Variants in SEC22B observed in about 807,000 individuals in gnomAD.
SEC22B encodes the protein SEC22 homolog B, vesicle trafficking protein.
A neutral mutation model predicts 31.4 loss-of-function variants in SEC22B; 10 were observed. The observed-to-expected ratio is 0.32, with a 90% CI of 0.20 to 0.54. The LOEUF (loss-of-function observed/expected upper bound fraction) is 0.54. Among genes scored for constraint, SEC22B ranks in the 20% least tolerant of loss-of-function variants. The probability of loss-of-function intolerance (pLI) is 0.94; values close to 1 mark genes in which losing one functional copy is unlikely to be tolerated. For synonymous variants in SEC22B, 60 were observed against 95.9 expected (o/e 0.63, Z 2.19); for missense variants, 130 against 263.4 (o/e 0.49, Z 3.50).
rs1257508701 is a variant in SEC22B, at chr1:120,176,400, T to A, written c.-19A>T. On this transcript the variant is annotated 5_prime_UTR_variant, in exon 1 of 5. Transcript: ENST00000578049. Reference sequence around the variant, plus strand: ...ACACCATCTTCACAAACTACAGGGATCCAACACTGGCCCGGAAGGCCCTTG... The same window carrying A: ...ACACCATCTTCACAAACTACAGGGAACCAACACTGGCCCGGAAGGCCCTTG... The A allele has an allele frequency of 9.9e-6, 16 of 1,612,402 alleles. 1 individual carries two copies. The highest frequency in any genetic ancestry group is 1.3e-5 in the Non-Finnish European group (15 of 1,178,922).
In SEC22B at chr1:120,156,589, ATGT is replaced by A. The variant is rs1657628951; in HGVS notation, c.*446_*448del. The A allele has an allele frequency of 7.2e-6, 1 of 139,730 alleles. No homozygotes were observed. Among genetic ancestry groups the A allele is most frequent in the Non-Finnish European group, 1.5e-5 (1 of 64,814 alleles). The allele number at this position is 139,730 out of a possible 1,614,324, so 8.7% of individuals were successfully genotyped here. ...ATCACAAATGTCACCAACAAAAGGA[ATGT>A]TGATTAGAGTCAAAAAAAAAAAAAA... On this transcript the variant is annotated 3_prime_UTR_variant, in exon 5 of 5. Transcript: ENST00000578049.
At position 120,176,426 on chromosome 1, in the gene SEC22B, G is replaced by A; in HGVS notation, c.-45C>T. ...CCAACACTGGCCCGGAAGGCCCTTG[G>A]CGCCGTCCTCACTTCCTCCGCCGCG... On this transcript the variant is annotated 5_prime_UTR_variant, in exon 1 of 5. Transcript: ENST00000578049. The A allele has an allele frequency of 6.4e-7, 1 of 1,568,022 alleles. No homozygotes were observed. Among genetic ancestry groups the A allele is most frequent in the Non-Finnish European group, 8.8e-7 (1 of 1,141,068 alleles).
Position 120,153,076 on chromosome 1 carries a change from T to C in SEC22B, c.*3962A>G, listed in dbSNP as rs1657571410. On this transcript the variant is annotated 3_prime_UTR_variant, in exon 5 of 5. Coordinates refer to ENST00000578049, the MANE Select transcript of SEC22B (RefSeq NM_004892.6). ...AATTGTTACAGTACTTGAAATAAAC[T>C]TTATGAGAACTGAGTGACTACATTG... 6.6e-6 allele frequency: 1 copy of C among 151,586 alleles called. No individual in the cohort carries two copies. Among genetic ancestry groups the C allele is most frequent in the Non-Finnish European group, 1.5e-5 (1 of 67,966 alleles). The allele number at this position is 151,586 out of a possible 1,614,324, so 9.4% of individuals were successfully genotyped here. A position where few individuals can be genotyped will look rare whatever the true frequency, so the allele number is the denominator to read the frequency against.
chr1:120,156,197 ACCTGGGCCTG>A lies in SEC22B; in HGVS notation c.*831_*840del, dbSNP rs1657624650. On this transcript the variant is annotated 3_prime_UTR_variant, in exon 5 of 5. Transcript: ENST00000578049. Reference sequence around the variant, plus strand: ...GGGGCAGGAGAAAGCTGTAATTATAACCTGGGCCTGCCTTTGTTCTCATGAAGCCAGGGGC... The same window carrying A: ...GGGGCAGGAGAAAGCTGTAATTATAACCTTTGTTCTCATGAAGCCAGGGGC... The A allele has an allele frequency of 1.3e-5, 2 of 151,988 alleles. No homozygotes were observed. The highest frequency in any genetic ancestry group is 1.3e-4 in the Admixed American group (2 of 15,240). 9.4% of individuals were successfully genotyped at this position (151,988 alleles called of 1,614,324 possible). A position where few individuals can be genotyped will look rare whatever the true frequency, so the allele number is the denominator to read the frequency against.
At chr1:120,169,080 G>C in intron 1 of SEC22B, 131 bp from the exon 2 acceptor site, 1 of 373,264 alleles carries the variant, frequency 2.7e-6, no homozygotes, top group South Asian at 1.1e-4. Context: ...TTTAACGGAG[G>C]AAAGACAACC....
intron 3 of SEC22B, among the ~76,000 whole-genome samples, chr1:120,161,771 A>G (rs1420062684): frequency 2.0e-5 from 3 of 151,984 alleles, no homozygotes; most frequent in African/African-American, 7.3e-5. Flanking sequence ...TCTCAAAACT[A>G]TAGGAAGAAT....
At chr1:120,171,168 TG>T (rs1472342956) in intron 1 of SEC22B, among the ~76,000 whole-genome samples, 5 of 132,410 alleles carry the variant, frequency 3.8e-5, no homozygotes, top group African/African-American at 1.9e-4. Flanking sequence ...ATCTCGGAGG[TG>T]GGGCTGTGAT....
intron 3 of SEC22B, 54 bp downstream of exon 3, chr1:120,163,156 C>T (rs1657746778): frequency 1.8e-6 from 1 of 567,702 alleles, no homozygotes; most frequent in Non-Finnish European, 3.1e-6. Flanking sequence ...TAACAAATAG[C>T]TTCTCCATAT....
At chr1:120,163,066 G>A (rs1657744464) in intron 3 of SEC22B, 144 bp downstream of exon 3, 2 of 503,908 alleles carry the variant, frequency 4.0e-6, no homozygotes, top group Non-Finnish European at 6.7e-6. Context: ...AAGACAAAAA[G>A]AAGTGGAATG....
In SEC22B at chr1:120,151,772, G is replaced by C. The variant is rs2101123409; in HGVS notation, c.*5266C>G. 1 of 151,924 alleles carries C rather than the reference G, an allele frequency of 6.6e-6. No homozygotes were observed. The highest frequency in any genetic ancestry group is 2.4e-5 in the African/African-American group (1 of 41,548). The allele number at this position is 151,924 out of a possible 1,614,324, so 9.4% of individuals were successfully genotyped here. A position where few individuals can be genotyped will look rare whatever the true frequency, so the allele number is the denominator to read the frequency against. On this transcript the variant is annotated 3_prime_UTR_variant, in exon 5 of 5. Transcript: ENST00000578049. ...GGGTACTCCAAGAATCCATGTTAAA[G>C]TTAATGAGGGCTTGAACCCAAACAT...
At chr1:120,160,782 A>C (rs2101127748) in intron 3 of SEC22B, among the ~76,000 whole-genome samples, 1 of 152,108 alleles carries the variant, frequency 6.6e-6, no homozygotes, top group South Asian at 2.1e-4. Flanking sequence ...CCAGCTACTC[A>C]GGAGGCTGAG....
chr1:120,163,893 C>T (rs1397460722), intron 2 of SEC22B, among the ~76,000 whole-genome samples: 27,182 of 141,960 alleles, frequency 0.19, 1,987 homozygotes, highest in African/African-American at 0.42. Context: ...GCCGTATATT[C>T]TAAAAGGAGT....
At chr1:120,174,280 C>T (rs1265890608) in intron 1 of SEC22B, among the ~76,000 whole-genome samples, 1 of 152,306 alleles carries the variant, frequency 6.6e-6, no homozygotes, top group Non-Finnish European at 1.5e-5. Context: ...ACTTAATAGG[C>T]TTAGCACAGT....
In SEC22B at chr1:120,156,309, T is replaced by G. The variant is rs1570864367; in HGVS notation, c.*729A>C. ...AAATAAAAGTAATAATGACCCAAAC[T>G]AATTTAAGTCTTTTGTTTAAGGAGT... On this transcript the variant is annotated 3_prime_UTR_variant, in exon 5 of 5. Transcript: ENST00000578049. 1 of 151,832 alleles carries G rather than the reference T, an allele frequency of 6.6e-6. No homozygotes were observed. Among genetic ancestry groups the G allele is most frequent in the South Asian group, 2.1e-4 (1 of 4,810 alleles). The allele number at this position is 151,832 out of a possible 1,614,324, so 9.4% of individuals were successfully genotyped here. A position where few individuals can be genotyped will look rare whatever the true frequency, so the allele number is the denominator to read the frequency against.
chr1:120,163,813 C>T (rs1158798248), intron 2 of SEC22B, among the ~76,000 whole-genome samples: 3 of 151,006 alleles, frequency 2.0e-5, no homozygotes, highest in African/African-American at 2.4e-5. Context: ...ATCTTGACCT[C>T]GTGATCCGCC....
intron 4 of SEC22B, 125 bp from the exon 5 acceptor site, chr1:120,157,317 A>G (rs1208251972): frequency 4.8e-5 from 33 of 682,548 alleles, no homozygotes; most frequent in Admixed American, 7.6e-5. Flanking sequence ...TTTTTATTTT[A>G]AGGCTAACAT....
At chr1:120,176,081 T>C (rs1657956006) in intron 1 of SEC22B, among the ~76,000 whole-genome samples, 1 of 152,150 alleles carries the variant, frequency 6.6e-6, no homozygotes, top group Non-Finnish European at 1.5e-5. Flanking sequence ...TCCAGAGCGT[T>C]TTTCTAAAGA....
intron 1 of SEC22B, among the ~76,000 whole-genome samples, chr1:120,169,546 A>G (rs1441057931): frequency 1.3e-5 from 2 of 152,250 alleles, no homozygotes; most frequent in East Asian, 1.9e-4. Flanking sequence ...TTGGACAGCA[A>G]AAGTTTGAAT....
chr1:120,162,080 C>G (rs1394729536), intron 3 of SEC22B, among the ~76,000 whole-genome samples: 1 of 136,594 alleles, frequency 7.3e-6, no homozygotes, highest in Non-Finnish European at 1.5e-5. Context: ...TATCCCTCTA[C>G]CAAAAGTTAC....
Sources: gnomAD v4.1 joint callset for allele counts (sites outside exome capture counted in the v4.1 genomes callset) on GRCh38, gnomAD v4.1.1 for gene constraint, MANE v1.5 for transcripts, NCBI Gene and HGNC (gene_info 2026-07-23, HGNC 2026-07-21) for gene names.